The following SLC14A2 variants were observed in gnomAD, a reference collection of about 807,000 sequenced individuals.
SLC14A2 encodes the protein urea transporter 2.
In SLC14A2, 91 loss-of-function variants were observed where a neutral mutation model predicts 104.6. The observed-to-expected ratio is 0.87, with a 90% CI of 0.73 to 1.04. The LOEUF is 1.04. Among genes scored for constraint, SLC14A2 ranks in the 50% least tolerant of loss-of-function variants. The probability of loss-of-function intolerance (pLI) is 0.00; values close to 1 mark genes in which losing one functional copy is unlikely to be tolerated. For synonymous variants in SLC14A2, 476 were observed against 466.4 expected (o/e 1.02, Z -0.27); for missense variants, 1,189 against 1,156.0 (o/e 1.03, Z -0.41).
intron 1 of SLC14A2, among the ~76,000 whole-genome samples, chr18:45,403,430 A>G (rs1462575768): frequency 6.6e-6 from 1 of 152,236 alleles, no homozygotes; most frequent in African/African-American, 2.4e-5. Flanking sequence ...TAAGCTAGTA[A>G]TAGCAATAAT....
At chr18:45,669,231 G>A in intron 15 of SLC14A2, 75 bp from the exon 16 acceptor site, 1 of 1,223,310 alleles carries the variant, frequency 8.2e-7, no homozygotes, top group Non-Finnish European at 1.1e-6. Flanking sequence ...GGCACAGGGA[G>A]CCCCCACTGC....
chr18:45,680,642 G>A (rs946922807), intron 19 of SLC14A2, among the ~76,000 whole-genome samples: 6 of 152,198 alleles, frequency 3.9e-5, no homozygotes, highest in African/African-American at 1.4e-4. Context: ...TCTGTTTGAT[G>A]ATAATAACCA....
Position 45,395,195 on chromosome 18 carries a change from T to C in SLC14A2, c.-124-88038T>C, listed in dbSNP as rs996354874. Reference sequence around the variant, plus strand: ...TTATATACATACAATGGAATATTACTTGGCTTTAAAAAAGTAGAAAATCCT... The same window carrying C: ...TTATATACATACAATGGAATATTACCTGGCTTTAAAAAAGTAGAAAATCCT... On this transcript the variant is annotated intron_variant, in intron 1 of 20. Coordinates refer to the SLC14A2 transcript ENST00000586448. 3.3e-5 allele frequency among the ~76,000 whole-genome samples: 5 copies of C among 152,368 alleles called. No individual in the cohort carries two copies. The East Asian group carries it at 9.6e-4, about 29-fold the overall frequency.
At chr18:45,626,813 C>T in intron 3 of SLC14A2, 145 bp from the exon 4 acceptor site, 1 of 404,682 alleles carries the variant, frequency 2.5e-6, no homozygotes, top group Non-Finnish European at 4.6e-6. Flanking sequence ...TCTACCCCCA[C>T]CCCTCCACCC....
chr18:45,424,032 C>T (rs1344981736), intron 1 of SLC14A2: 1 of 152,192 alleles, frequency 6.6e-6, no homozygotes, highest in South Asian at 2.1e-4. Context: ...GATATGCTAA[C>T]CAATGCCACT....
At chr18:45,351,208 T>C (rs1460621563) in intron 1 of SLC14A2, among the ~76,000 whole-genome samples, 1 of 152,180 alleles carries the variant, frequency 6.6e-6, no homozygotes, top group African/African-American at 2.4e-5. Flanking sequence ...GGACCTTATA[T>C]GAGGTGGTAG....
intron 1 of SLC14A2, among the ~76,000 whole-genome samples, chr18:45,351,865 A>G (rs2085506894): frequency 6.6e-6 from 1 of 152,186 alleles, no homozygotes; most frequent in South Asian, 2.1e-4. Context: ...AGCAGGTGGA[A>G]CACTTGGATT....
intron 1 of SLC14A2, among the ~76,000 whole-genome samples, chr18:45,248,452 CAGG>C (rs2084388708): frequency 6.6e-6 from 1 of 152,020 alleles, no homozygotes; most frequent in Non-Finnish European, 1.5e-5. Flanking sequence ...CAGCATGAAA[CAGG>C]AGGACTTGGC....
At chr18:45,291,619 A>G (rs183653934) in intron 1 of SLC14A2, among the ~76,000 whole-genome samples, 1 of 152,292 alleles carries the variant, frequency 6.6e-6, no homozygotes, top group East Asian at 1.9e-4. Flanking sequence ...AAAGGGCAGT[A>G]AAGGCATCAG....
chr18:45,296,256 C>A (rs8095203), intron 1 of SLC14A2, among the ~76,000 whole-genome samples: 28,713 of 152,068 alleles, frequency 0.19, 3,256 homozygotes, highest in African/African-American at 0.32. Flanking sequence ...GGGGAACCTC[C>A]GAGTTCATTC....
intron 1 of SLC14A2, among the ~76,000 whole-genome samples, chr18:45,285,666 C>A (rs887521684): frequency 2.5e-5 from 2 of 79,744 alleles, no homozygotes; most frequent in Non-Finnish European, 2.3e-5. Flanking sequence ...GATCTGCCCC[C>A]CCCCCCCCTC....
chr18:45,391,385 T>C (rs1163881671), intron 1 of SLC14A2, among the ~76,000 whole-genome samples: 1 of 152,234 alleles, frequency 6.6e-6, no homozygotes, highest in African/African-American at 2.4e-5. Context: ...GCAATAAACA[T>C]ACGTATGCAT....
the SLC14A2 span, among the ~76,000 whole-genome samples, chr18:45,177,228 C>T: frequency 7.0e-6 from 1 of 143,346 alleles, no homozygotes; most frequent in African/African-American, 2.6e-5. Flanking sequence ...TATCTTCTCT[C>T]ATGCATTCCA....
At chr18:45,635,774 G>A (rs1246492755) in intron 5 of SLC14A2, among the ~76,000 whole-genome samples, 2 of 152,236 alleles carry the variant, frequency 1.3e-5, no homozygotes, top group Non-Finnish European at 2.9e-5. Flanking sequence ...ATATCCTGAT[G>A]AGAATGATCC....
At chr18:45,495,549 G>T (rs952388193) in intron 2 of SLC14A2, among the ~76,000 whole-genome samples, 1 of 152,146 alleles carries the variant, frequency 6.6e-6, no homozygotes, top group East Asian at 1.9e-4. Context: ...TTAAATCCAA[G>T]ACTGAGTCTT....
intron 2 of SLC14A2, among the ~76,000 whole-genome samples, chr18:45,512,645 A>C (rs1463547154): frequency 6.6e-6 from 1 of 152,188 alleles, no homozygotes; most frequent in Non-Finnish European, 1.5e-5. Context: ...AAGAGAGAAC[A>C]ATCTATTTCA....
At chr18:45,178,766 G>A in the SLC14A2 span, among the ~76,000 whole-genome samples, 1 of 149,528 alleles carries the variant, frequency 6.7e-6, no homozygotes, top group African/African-American at 2.4e-5. Flanking sequence ...GGCACCAAGA[G>A]GCAAAGTAAT....
intron 1 of SLC14A2, among the ~76,000 whole-genome samples, chr18:45,417,450 C>T (rs1306243239): frequency 6.6e-6 from 1 of 152,144 alleles, no homozygotes; most frequent in Non-Finnish European, 1.5e-5. Flanking sequence ...AGGAAACTTA[C>T]AATCGTGGCA....
chr18:45,276,529 G>T (rs1476582498), intron 1 of SLC14A2, among the ~76,000 whole-genome samples: 2 of 152,178 alleles, frequency 1.3e-5, no homozygotes, highest in African/African-American at 4.8e-5. Flanking sequence ...GGAGAGTGTG[G>T]TGTGTTCAGG....
Sources: gnomAD v4.1 joint callset for allele counts (sites outside exome capture counted in the v4.1 genomes callset) on GRCh38, gnomAD v4.1.1 for gene constraint, MANE v1.5 for transcripts, NCBI Gene and HGNC (gene_info 2026-07-23, HGNC 2026-07-21) for gene names.